The following GARIN1A variants were observed in gnomAD, a reference collection of about 807,000 sequenced individuals.
The protein encoded by GARIN1A is Golgi-associated RAB2 interactor protein 1A.
chr7:128,705,417 C>T, the GARIN1A span, among the ~76,000 whole-genome samples: 234 of 152,200 alleles, frequency 1.5e-3, 1 homozygote, highest in South Asian at 0.022. Flanking sequence ...GGGATGGAGC[C>T]GTGCCGTTCT....
chr7:128,672,074 G>T, the GARIN1A span, among the ~76,000 whole-genome samples: 1 of 152,108 alleles, frequency 6.6e-6, no homozygotes, highest in East Asian at 1.9e-4. Context: ...TTTTCCATGT[G>T]GGGTAAGGCT....
the GARIN1A span, among the ~76,000 whole-genome samples, chr7:128,692,110 T>A: frequency 6.6e-6 from 1 of 152,198 alleles, no homozygotes; most frequent in East Asian, 1.9e-4. Flanking sequence ...TCCCCAATAG[T>A]CTTCCAATAA....
the GARIN1A span, among the ~76,000 whole-genome samples, chr7:128,682,165 GCT>G: frequency 6.6e-6 from 1 of 152,076 alleles, no homozygotes; most frequent in Non-Finnish European, 1.5e-5. Context: ...TCCAAGGAAG[GCT>G]CTCTCTTTCA....
At chr7:128,702,740 A>T in the GARIN1A span, among the ~76,000 whole-genome samples, 1 of 152,244 alleles carries the variant, frequency 6.6e-6, no homozygotes, top group Non-Finnish European at 1.5e-5. Flanking sequence ...TAAACACATC[A>T]GTTAAAAGTC....
the GARIN1A span, among the ~76,000 whole-genome samples, chr7:128,679,726 C>T: frequency 5.3e-5 from 8 of 152,124 alleles, 1 homozygote; most frequent in African/African-American, 1.9e-4. Flanking sequence ...AAGTTCTGTG[C>T]TTCAAGTATG....
chr7:128,698,806 C>T, the GARIN1A span, among the ~76,000 whole-genome samples: 2 of 152,232 alleles, frequency 1.3e-5, no homozygotes, highest in South Asian at 2.1e-4. Flanking sequence ...AGGCTGGTCT[C>T]GAACTCCTGA....
chr7:128,673,363 GCATT>G, the GARIN1A span, among the ~76,000 whole-genome samples: 150,182 of 152,222 alleles, frequency 0.99, 74,104 homozygotes, highest in Middle Eastern at 1. Flanking sequence ...GGTGCTGGGG[GCATT>G]CATTCAAGGC....
chr7:128,703,091 A>G, the GARIN1A span, among the ~76,000 whole-genome samples: 3 of 152,270 alleles, frequency 2.0e-5, no homozygotes, highest in African/African-American at 2.4e-5. Flanking sequence ...GTTCACAATT[A>G]TAGATCAAGT....
chr7:128,674,738 T>C, the GARIN1A span, among the ~76,000 whole-genome samples: 1 of 152,148 alleles, frequency 6.6e-6, no homozygotes, highest in African/African-American at 2.4e-5. Context: ...CAGTCATCCC[T>C]GGGGCTTTCC....
At chr7:128,676,798 C>T in the GARIN1A span, among the ~76,000 whole-genome samples, 1 of 151,942 alleles carries the variant, frequency 6.6e-6, no homozygotes, top group Non-Finnish European at 1.5e-5. Context: ...AGTTCCAGGT[C>T]ACACTTAATA....
chr7:128,688,873 G>A, the GARIN1A span, among the ~76,000 whole-genome samples: 2 of 142,004 alleles, frequency 1.4e-5, no homozygotes, highest in African/African-American at 5.3e-5. Context: ...CTGTGCTGCC[G>A]CCATCTCTGC....
the GARIN1A span, among the ~76,000 whole-genome samples, chr7:128,674,271 AG>A: frequency 6.6e-6 from 1 of 152,102 alleles, no homozygotes; most frequent in Non-Finnish European, 1.5e-5. Flanking sequence ...CGCACAGAAA[AG>A]TTCAAAGTTT....
At chr7:128,682,623 G>T in the GARIN1A span, among the ~76,000 whole-genome samples, 1 of 152,010 alleles carries the variant, frequency 6.6e-6, no homozygotes, top group Non-Finnish European at 1.5e-5. Flanking sequence ...ACTCTGTCAC[G>T]TAGGCTGGAA....
At chr7:128,704,532 T>G in the GARIN1A span, among the ~76,000 whole-genome samples, 2 of 152,066 alleles carry the variant, frequency 1.3e-5, no homozygotes, top group African/African-American at 4.8e-5. Flanking sequence ...CTCAAACTCC[T>G]GACTTCAGGT....
the GARIN1A span, among the ~76,000 whole-genome samples, chr7:128,689,482 G>A: frequency 1.3e-5 from 2 of 151,136 alleles, no homozygotes; most frequent in Admixed American, 6.6e-5. Context: ...CTGCCTGGCC[G>A]CCCCATCTGA....
the GARIN1A span, among the ~76,000 whole-genome samples, chr7:128,678,309 C>T: frequency 6.6e-6 from 1 of 152,150 alleles, no homozygotes; most frequent in African/African-American, 2.4e-5. Flanking sequence ...GTGTGAACCT[C>T]TGTGCCTGGC....
the GARIN1A span, chr7:128,683,123 A>T: frequency 6.2e-7 from 1 of 1,612,576 alleles, no homozygotes; most frequent in East Asian, 2.2e-5. Context: ...AAGTTCATAT[A>T]GCCAGTTACC....
the GARIN1A span, among the ~76,000 whole-genome samples, chr7:128,696,108 G>T: frequency 2.7e-5 from 4 of 148,016 alleles, no homozygotes; most frequent in African/African-American, 1.0e-4. Context: ...GAATGCCTGG[G>T]CTGCAGCTAT....
chr7:128,687,128 C>T, the GARIN1A span: 1 of 152,248 alleles, frequency 6.6e-6, no homozygotes, highest in Non-Finnish European at 1.5e-5. Flanking sequence ...ATATTGCCCT[C>T]ATGACACTTA....
Sources: gnomAD v4.1 joint callset for allele counts (sites outside exome capture counted in the v4.1 genomes callset) on GRCh38, gnomAD v4.1.1 for gene constraint, MANE v1.5 for transcripts, NCBI Gene and HGNC (gene_info 2026-07-23, HGNC 2026-07-21) for gene names.